UBR3: variants seen among roughly 807,000 people sequenced by gnomAD.
UBR3 encodes the protein E3 ubiquitin-protein ligase UBR3.
A neutral mutation model predicts 243.2 loss-of-function variants in UBR3; 85 were observed. That is an observed-to-expected ratio of 0.35 (90% confidence interval 0.29 to 0.42). UBR3 has a LOEUF of 0.42. UBR3 is among the 10% of genes least tolerant of loss of function. UBR3 has a pLI of 1.00. For missense variants in UBR3, 1,686 were observed against 2,300.8 expected, an observed-to-expected ratio of 0.73 and a Z score of 5.47; for synonymous variants, 748 against 799.8, an observed-to-expected ratio of 0.94 and a Z score of 1.09.
At position 169,856,623 on chromosome 2, in the gene UBR3, G is replaced by T. The variant is rs936448531; in HGVS notation, c.546-15613G>T. Among the ~76,000 whole-genome samples, 109 of 152,320 alleles carry T rather than the reference G, an allele frequency of 7.2e-4. 1 individual carries two copies. Among genetic ancestry groups the T allele is most frequent in the Middle Eastern group, 3.4e-3 (1 of 294 alleles). On this transcript the variant is annotated intron_variant, in intron 1 of 38. Coordinates refer to ENST00000272793, the MANE Select transcript of UBR3 (RefSeq NM_172070.4). Reference sequence around the variant, plus strand: ...AGGCTGGCAGATCACTCGCAGTCAGGAGCTGGAGACCAGCCCGGCCAACAC... The same window carrying T: ...AGGCTGGCAGATCACTCGCAGTCAGTAGCTGGAGACCAGCCCGGCCAACAC...
chr2:169,965,671 A>G (rs2087772428), intron 24 of UBR3, among the ~76,000 whole-genome samples: 1 of 152,216 alleles, frequency 6.6e-6, no homozygotes, highest in Admixed American at 6.6e-5. Flanking sequence ...ATGCTGGACA[A>G]AGGGATGATT....
At chr2:169,975,578 G>C (rs1307350295) in intron 24 of UBR3, among the ~76,000 whole-genome samples, 1 of 152,168 alleles carries the variant, frequency 6.6e-6, no homozygotes, top group Non-Finnish European at 1.5e-5. Flanking sequence ...ATTGGAGTCT[G>C]TCTCTTCCTT....
intron 11 of UBR3, among the ~76,000 whole-genome samples, chr2:169,914,868 GTGTGT>G (rs2085397074): frequency 3.9e-5 from 2 of 51,674 alleles, no homozygotes; most frequent in Non-Finnish European, 7.2e-5. Flanking sequence ...GTGTGTGTGT[GTGTGT>G]TTTTTTTCCT....
intron 1 of UBR3, among the ~76,000 whole-genome samples, chr2:169,831,704 C>T (rs900222828): frequency 6.6e-6 from 1 of 152,130 alleles, no homozygotes; most frequent in African/African-American, 2.4e-5. Context: ...AAAAGACTGC[C>T]TCTGGAACCT....
intron 5 of UBR3, among the ~76,000 whole-genome samples, chr2:169,879,976 C>G (rs2083760260): frequency 6.6e-6 from 1 of 152,088 alleles, no homozygotes; most frequent in African/African-American, 2.4e-5. Flanking sequence ...GGAAGTAAGA[C>G]TGCTAATTCT....
At position 170,038,080 on chromosome 2, in the gene UBR3, A is replaced by C. The variant is rs564333561; in HGVS notation, c.4557-2802A>C. Among the ~76,000 whole-genome samples, 21 of 152,330 alleles carry C rather than the reference A, an allele frequency of 1.4e-4. No homozygotes were observed. The East Asian group carries it at 2.3e-3, about 17-fold the overall frequency. ...TAAGCACTTTAAGTTTTTCAGTTGCATATACTACCCCTATTTTATTAAACT... is the reference window on the plus strand; with the variant it reads ...TAAGCACTTTAAGTTTTTCAGTTGCCTATACTACCCCTATTTTATTAAACT... On this transcript the variant is annotated intron_variant, in intron 31 of 38. Transcript: ENST00000272793.
At chr2:169,870,769 T>C (rs1466472162) in intron 1 of UBR3, among the ~76,000 whole-genome samples, 2 of 152,118 alleles carry the variant, frequency 1.3e-5, no homozygotes, top group Non-Finnish European at 2.9e-5. Flanking sequence ...TTCTCCTGCC[T>C]CAGCCTCCCA....
At chr2:169,866,150 CAAAAAAAAAAAAAAA>C (rs578054467) in intron 1 of UBR3, among the ~76,000 whole-genome samples, 12 of 53,380 alleles carry the variant, frequency 2.2e-4, no homozygotes, top group African/African-American at 1.1e-3. Flanking sequence ...GACTGTGTCT[CAAAAAAAAAAAAAAA>C]AAAAAAAAAA....
At chr2:169,958,311 A>G in intron 23 of UBR3, 127 bp from the exon 24 acceptor site, 1 of 682,372 alleles carries the variant, frequency 1.5e-6, no homozygotes. Context: ...AATTTAATAC[A>G]TAATACAGAA....
chr2:170,012,160 C>T (rs2090102817), intron 29 of UBR3, among the ~76,000 whole-genome samples: 1 of 152,020 alleles, frequency 6.6e-6, no homozygotes, highest in African/African-American at 2.4e-5. Context: ...GGGACGCTTG[C>T]TAAATACCAA....
rs1380204229 is a variant in UBR3, at chr2:169,882,151, T to C, written c.1038+3577T>C. 3.8e-5 allele frequency among the ~76,000 whole-genome samples: 5 copies of C among 131,568 alleles called. No individual in the cohort carries two copies. In the East Asian group the frequency reaches 8.2e-4, roughly 22 times the overall value. 86.3% of individuals were successfully genotyped at this position (131,568 alleles called of 152,430 possible). On this transcript the variant is annotated intron_variant, in intron 5 of 38. Transcript: ENST00000272793. ...TATACATATATTTATATTATATATG[T>C]ATATATATTTATCATATTTATATGT...
chr2:169,829,481 T>C (rs1036237060), intron 1 of UBR3, among the ~76,000 whole-genome samples: 1 of 145,000 alleles, frequency 6.9e-6, no homozygotes, highest in Non-Finnish European at 1.5e-5. Flanking sequence ...TGGAGTGCAA[T>C]GGCGCGACCT....
At chr2:169,992,317 C>A (rs13027818) in intron 25 of UBR3, among the ~76,000 whole-genome samples, 6 of 152,278 alleles carry the variant, frequency 3.9e-5, no homozygotes, top group Non-Finnish European at 7.4e-5. Context: ...CTGGTGAATT[C>A]TATCAGTCAT....
chr2:169,847,041 A>T (rs1320586641), intron 1 of UBR3, among the ~76,000 whole-genome samples: 1 of 149,562 alleles, frequency 6.7e-6, no homozygotes, highest in Non-Finnish European at 1.5e-5. Context: ...CCTGGCCAAA[A>T]TTTTTTTTCT....
chr2:170,039,086 G>A (rs192130824), intron 31 of UBR3, among the ~76,000 whole-genome samples: 151 of 152,286 alleles, frequency 9.9e-4, no homozygotes, highest in Admixed American at 3.1e-3. Flanking sequence ...TCCTTAGTGA[G>A]AAAAGAAAGG....
intron 27 of UBR3, 69 bp from the exon 28 acceptor site, chr2:170,006,921 T>G: frequency 7.8e-7 from 1 of 1,273,934 alleles, no homozygotes; most frequent in Non-Finnish European, 1.1e-6. Context: ...TACTATAAAA[T>G]GGGTGGTATA....
chr2:169,948,187 G>C (rs11691654), intron 22 of UBR3, among the ~76,000 whole-genome samples: 14 of 151,256 alleles, frequency 9.3e-5, no homozygotes, highest in African/African-American at 3.4e-4. Context: ...ATTAGTGTTC[G>C]AAGTATTTTG....
intron 36 of UBR3, among the ~76,000 whole-genome samples, chr2:170,073,951 CAAAT>C (rs2091752978): frequency 6.6e-6 from 1 of 152,050 alleles, no homozygotes; most frequent in African/African-American, 2.4e-5. Context: ...ATTTTTAAAA[CAAAT>C]TGGACTAGCA....
At chr2:169,860,763 G>A (rs1359266045) in intron 1 of UBR3, among the ~76,000 whole-genome samples, 2 of 152,182 alleles carry the variant, frequency 1.3e-5, no homozygotes, top group Admixed American at 1.3e-4. Context: ...ATGGATATAT[G>A]AGATGGAGTT....
Sources: gnomAD v4.1 joint callset for allele counts (sites outside exome capture counted in the v4.1 genomes callset) on GRCh38, gnomAD v4.1.1 for gene constraint, MANE v1.5 for transcripts, NCBI Gene and HGNC (gene_info 2026-07-23, HGNC 2026-07-21) for gene names.